The following ARHGAP26 variants were observed in gnomAD, a reference collection of about 807,000 sequenced individuals.
ARHGAP26 encodes the protein Rho GTPase activating protein 26, also known as rho GTPase-activating protein 26.
A neutral mutation model predicts 104.8 loss-of-function variants in ARHGAP26; 38 were observed. The observed-to-expected ratio is 0.36, with a 90% CI of 0.28 to 0.48. The LOEUF is 0.48. ARHGAP26 is among the 20% of genes least tolerant of loss of function. The pLI is 0.99. For synonymous variants in ARHGAP26, 341 were observed against 340.0 expected (o/e 1.00, Z -0.03); for missense variants, 704 against 947.9 (o/e 0.74, Z 3.38).
At chr5:142,902,294 T>C (rs28304) in intron 7 of ARHGAP26, among the ~76,000 whole-genome samples, 71,637 of 152,066 alleles carry the variant, frequency 0.47, 20,383 homozygotes, top group East Asian at 0.91. Context: ...TGTTTCAAAT[T>C]TGTAGCGTCT....
intron 13 of ARHGAP26, among the ~76,000 whole-genome samples, chr5:143,040,643 G>A (rs922284222): frequency 6.6e-6 from 1 of 152,236 alleles, no homozygotes; most frequent in Admixed American, 6.5e-5. Context: ...GTAAGGGAAT[G>A]ACCAGTAATG....
rs1419320718 is a variant in ARHGAP26 at position 143,154,611 on chromosome 5, ACT to A, written c.1988+7232_1988+7233del. Among the ~76,000 whole-genome samples, 9 of 152,226 alleles carry A rather than the reference ACT, an allele frequency of 5.9e-5. 1 individual carries two copies. In the East Asian group the frequency reaches 1.7e-3, roughly 29 times the overall value. On this transcript the variant is annotated intron_variant, in intron 20 of 22. Coordinates refer to ENST00000645722, the MANE Select transcript of ARHGAP26 (RefSeq NM_001135608.3). ...CCTTGAATCTGAGACTGGAGCTATA[ACT>A]CAGTCCAGGCTTTAAGTGATCAGTG...
chr5:142,860,020 C>G (rs1282700820), intron 1 of ARHGAP26: 1 of 152,206 alleles, frequency 6.6e-6, no homozygotes, highest in East Asian at 1.9e-4. Flanking sequence ...TACTTTGAGT[C>G]TCACTGAGCT....
intron 14 of ARHGAP26, among the ~76,000 whole-genome samples, chr5:143,043,728 A>G (rs780138305): frequency 6.6e-6 from 1 of 152,158 alleles, no homozygotes; most frequent in Non-Finnish European, 1.5e-5. Context: ...CAGGTGCTAG[A>G]GATTAAATTT....
chr5:143,213,865 G>T, intron 21 of ARHGAP26, 132 bp from the exon 22 acceptor site: 1 of 475,718 alleles, frequency 2.1e-6, no homozygotes, highest in South Asian at 4.0e-5. Flanking sequence ...TTGCCATCTG[G>T]CTGCCTTGCC....
intron 17 of ARHGAP26, among the ~76,000 whole-genome samples, chr5:143,076,775 T>G (rs1478362180): frequency 6.6e-6 from 1 of 152,234 alleles, no homozygotes; most frequent in Non-Finnish European, 1.5e-5. Flanking sequence ...TTTTTCAGCT[T>G]GGGGTTTTCA....
chr5:142,952,616 A>G (rs573048400), intron 11 of ARHGAP26, among the ~76,000 whole-genome samples: 1 of 152,208 alleles, frequency 6.6e-6, no homozygotes, highest in Admixed American at 6.5e-5. Context: ...TTTTTCAGCT[A>G]TTCAAAGGTA....
intron 20 of ARHGAP26, chr5:143,173,182 A>G (rs1803017337): frequency 6.1e-6 from 1 of 164,380 alleles, no homozygotes; most frequent in Non-Finnish European, 1.3e-5. Context: ...TACCCATGGG[A>G]AGATGGGGGA....
At chr5:142,851,814 C>T (rs1279488103) in intron 1 of ARHGAP26, among the ~76,000 whole-genome samples, 1 of 152,212 alleles carries the variant, frequency 6.6e-6, no homozygotes, top group East Asian at 1.9e-4. Context: ...CTTCTCTTCT[C>T]CCTCATCTTT....
chr5:143,132,217 G>T (rs187065177), intron 18 of ARHGAP26, among the ~76,000 whole-genome samples: 1 of 152,034 alleles, frequency 6.6e-6, no homozygotes, highest in East Asian at 1.9e-4. Context: ...CCGAGGACCC[G>T]CCAACCCATG....
intron 1 of ARHGAP26, chr5:142,772,688 G>A (rs1351876451): frequency 7.6e-6 from 4 of 525,834 alleles, no homozygotes; most frequent in Non-Finnish European, 1.6e-5. Context: ...CTAGCAGCAG[G>A]ACCAGAGCTT....
intron 13 of ARHGAP26, among the ~76,000 whole-genome samples, chr5:143,040,762 G>A (rs2150143997): frequency 6.6e-6 from 1 of 152,356 alleles, no homozygotes; most frequent in African/African-American, 2.4e-5. Flanking sequence ...CTGGAGCAAA[G>A]GCTATGAGGT....
intron 17 of ARHGAP26, among the ~76,000 whole-genome samples, chr5:143,081,810 G>A (rs767288300): frequency 2.6e-5 from 4 of 152,078 alleles, no homozygotes; most frequent in Admixed American, 6.5e-5. Context: ...TCAGGAGTTC[G>A]AGACCATCCT....
At chr5:143,179,178 G>A (rs2151178692) in intron 20 of ARHGAP26, among the ~76,000 whole-genome samples, 1 of 152,206 alleles carries the variant, frequency 6.6e-6, no homozygotes, top group East Asian at 1.9e-4. Flanking sequence ...CATTTATCAT[G>A]TATCATGATA....
chr5:142,786,735 C>T (rs1278041913), intron 1 of ARHGAP26, among the ~76,000 whole-genome samples: 1 of 149,474 alleles, frequency 6.7e-6, no homozygotes, highest in Non-Finnish European at 1.5e-5. Context: ...CAACCTCCGC[C>T]TCCCGGGCTG....
At chr5:142,922,654 G>A (rs1015535584) in intron 10 of ARHGAP26, among the ~76,000 whole-genome samples, 1 of 152,086 alleles carries the variant, frequency 6.6e-6, no homozygotes, top group Non-Finnish European at 1.5e-5. Context: ...AAAGTGCCAG[G>A]CCCTTTGCTT....
intron 16 of ARHGAP26, 99 bp downstream of exon 16, chr5:143,056,185 A>G (rs1480133972): frequency 1.1e-6 from 1 of 951,600 alleles, no homozygotes; most frequent in African/African-American, 1.6e-5. Flanking sequence ...AACCCTTCGT[A>G]TTCTGCACAT....
chr5:143,167,732 T>C (rs258777), intron 20 of ARHGAP26, among the ~76,000 whole-genome samples: 47,456 of 151,892 alleles, frequency 0.31, 8,476 homozygotes, highest in East Asian at 0.49. Flanking sequence ...GGTTAAGAAT[T>C]TGTCTTGCCT....
chr5:142,776,243 G>A (rs772192576), intron 1 of ARHGAP26, among the ~76,000 whole-genome samples: 2 of 152,136 alleles, frequency 1.3e-5, no homozygotes, highest in South Asian at 2.1e-4. Context: ...AAAGTGCTGC[G>A]ATTACAGGCA....
Sources: gnomAD v4.1 joint callset for allele counts (sites outside exome capture counted in the v4.1 genomes callset) on GRCh38, gnomAD v4.1.1 for gene constraint, MANE v1.5 for transcripts, NCBI Gene and HGNC (gene_info 2026-07-23, HGNC 2026-07-21) for gene names.